Variants in CAPZB observed in about 807,000 individuals in gnomAD.
CAPZB encodes F-actin-capping protein subunit beta.
CAPZB carries 2 observed loss-of-function variants against 38.1 expected under a neutral mutation model. The ratio of observed to expected loss-of-function variants is 0.05; its 90% CI spans 0.02 to 0.17. The LOEUF (loss-of-function observed/expected upper bound fraction) is 0.17, where lower values mean the gene tolerates loss of function less well. Ranked by LOEUF, CAPZB falls within the 10% of genes least tolerant of loss-of-function variation. The pLI is 1.00. For synonymous variants in CAPZB, 107 were observed against 127.4 expected, an observed-to-expected ratio of 0.84 and a Z score of 1.08; for missense variants, 161 against 334.2, an observed-to-expected ratio of 0.48 and a Z score of 4.04.
intron 2 of CAPZB, among the ~76,000 whole-genome samples, chr1:19,406,934 A>T (rs1181127734): frequency 6.6e-6 from 1 of 152,154 alleles, no homozygotes; most frequent in East Asian, 1.9e-4. Flanking sequence ...CATCTCACAG[A>T]TGAGGAAACT....
intron 6 of CAPZB, among the ~76,000 whole-genome samples, chr1:19,349,217 A>C (rs560220599): frequency 6.6e-6 from 1 of 152,102 alleles, no homozygotes; most frequent in Non-Finnish European, 1.5e-5. Flanking sequence ...CCCAGCTTCA[A>C]AAAGAACTTT....
chr1:19,400,964 G>C (rs577986233), intron 2 of CAPZB, among the ~76,000 whole-genome samples: 1 of 152,202 alleles, frequency 6.6e-6, no homozygotes, highest in East Asian at 1.9e-4. Context: ...GTTGCACATT[G>C]AACAGGAGGG....
chr1:19,463,204 G>C (rs548213685), intron 1 of CAPZB, among the ~76,000 whole-genome samples: 1 of 152,166 alleles, frequency 6.6e-6, no homozygotes, highest in Non-Finnish European at 1.5e-5. Context: ...GTGGCTGCGC[G>C]GGTCTACAGG....
At chr1:19,366,307 T>TATATATAAATAA (rs1243032633) in intron 4 of CAPZB, among the ~76,000 whole-genome samples, 2 of 74,152 alleles carry the variant, frequency 2.7e-5, no homozygotes, top group East Asian at 3.8e-4. Flanking sequence ...TATATATATA[T>TATATATAAATAA]ATAAATAAAA....
At chr1:19,422,949 A>C (rs1267159104) in intron 1 of CAPZB, among the ~76,000 whole-genome samples, 1 of 152,212 alleles carries the variant, frequency 6.6e-6, no homozygotes, top group African/African-American at 2.4e-5. Flanking sequence ...AAAAGACCTA[A>C]GTTGACCAGA....
intron 1 of CAPZB, chr1:19,484,667 G>A: frequency 4.3e-6 from 5 of 1,162,488 alleles, no homozygotes; most frequent in East Asian, 1.2e-4. Context: ...TACAGGGAAG[G>A]GGACCCTGGG....
intron 2 of CAPZB, among the ~76,000 whole-genome samples, chr1:19,404,540 T>A (rs2094320792): frequency 3.5e-5 from 3 of 85,676 alleles, no homozygotes; most frequent in Admixed American, 3.0e-4. Context: ...CAAAACTCCA[T>A]GTTAAAAAAA....
At chr1:19,343,890 T>C (rs140729808) in intron 8 of CAPZB, among the ~76,000 whole-genome samples, 4 of 152,054 alleles carry the variant, frequency 2.6e-5, no homozygotes, top group African/African-American at 7.2e-5. Context: ...CCTGCCTGCA[T>C]GTGGCGTCAG....
intron 6 of CAPZB, among the ~76,000 whole-genome samples, chr1:19,354,374 T>C (rs2094008728): frequency 6.6e-6 from 1 of 152,180 alleles, no homozygotes. Context: ...TCACTTCCCC[T>C]GTTTGCTCAG....
chr1:19,367,092 G>C (rs6703349), intron 4 of CAPZB, among the ~76,000 whole-genome samples: 2 of 152,194 alleles, frequency 1.3e-5, no homozygotes, highest in African/African-American at 4.8e-5. Flanking sequence ...GAAGCTGAGC[G>C]CATCCCCTGT....
chr1:19,393,881 C>T (rs887110407), intron 2 of CAPZB, among the ~76,000 whole-genome samples: 3 of 152,238 alleles, frequency 2.0e-5, no homozygotes, highest in Admixed American at 2.0e-4. Context: ...GTGCCTACTG[C>T]CCAGCAGAGC....
intron 4 of CAPZB, among the ~76,000 whole-genome samples, chr1:19,375,077 C>G (rs552944152): frequency 1.3e-5 from 2 of 152,308 alleles, no homozygotes; most frequent in African/African-American, 4.8e-5. Flanking sequence ...ATTCCAGGGC[C>G]TGCTGTGGTC....
At chr1:19,402,813 C>A (rs548600580) in intron 2 of CAPZB, among the ~76,000 whole-genome samples, 1 of 152,000 alleles carries the variant, frequency 6.6e-6, no homozygotes, top group Non-Finnish European at 1.5e-5. Flanking sequence ...TTTGGAAGGC[C>A]GAGGCGGGTA....
At chr1:19,352,683 G>A (rs575034854) in intron 6 of CAPZB, among the ~76,000 whole-genome samples, 4 of 152,340 alleles carry the variant, frequency 2.6e-5, no homozygotes, top group Middle Eastern at 3.4e-3. Flanking sequence ...GCCGGCCTGC[G>A]GCTCACCTTC....
chr1:19,395,600 C>G (rs1301950357), intron 2 of CAPZB, among the ~76,000 whole-genome samples: 1 of 152,216 alleles, frequency 6.6e-6, no homozygotes, highest in African/African-American at 2.4e-5. Flanking sequence ...TTTGGGTCAA[C>G]CACAGGCACA....
intron 8 of CAPZB, among the ~76,000 whole-genome samples, chr1:19,342,177 C>T (rs983649026): frequency 2.6e-5 from 4 of 152,226 alleles, no homozygotes; most frequent in Non-Finnish European, 5.9e-5. Context: ...CGGCACTGGG[C>T]GTCCAGGCAG....
At chr1:19,380,586 C>T (rs1001461052) in intron 3 of CAPZB, among the ~76,000 whole-genome samples, 4 of 152,252 alleles carry the variant, frequency 2.6e-5, no homozygotes, top group African/African-American at 9.6e-5. Context: ...TGAAACGGGG[C>T]TGCCCAACAG....
chr1:19,445,639 C>T (rs1233347630), intron 1 of CAPZB, among the ~76,000 whole-genome samples: 4 of 151,974 alleles, frequency 2.6e-5, no homozygotes, highest in East Asian at 1.9e-4. Flanking sequence ...AAAAATAATC[C>T]GCATGATTCC....
At chr1:19,459,897 T>C (rs1405219273) in intron 1 of CAPZB, among the ~76,000 whole-genome samples, 1 of 152,206 alleles carries the variant, frequency 6.6e-6, no homozygotes, top group African/African-American at 2.4e-5. Context: ...AGTCACGTAG[T>C]TGCCTTCTTA....
Sources: allele counts gnomAD v4.1 joint callset (sites outside exome capture counted in the v4.1 genomes callset), GRCh38; gene constraint gnomAD v4.1.1; transcripts MANE v1.5; gene names NCBI Gene and HGNC (gene_info 2026-07-23, HGNC 2026-07-21).